The following DEAF1 variants were observed in gnomAD, a reference collection of about 807,000 sequenced individuals.
DEAF1 encodes deformed epidermal autoregulatory factor 1 homolog.
Under a neutral mutation model 58.9 loss-of-function variants are expected in DEAF1, and 53 were observed. The ratio of observed to expected loss-of-function variants is 0.90; its 90% confidence interval spans 0.72 to 1.13. DEAF1 has a LOEUF of 1.13. Among genes scored for constraint, DEAF1 ranks in the 50% most tolerant of loss-of-function variants. The pLI, the probability that DEAF1 is intolerant of heterozygous loss-of-function variation, is 0.00. For synonymous variants in DEAF1, 385 were observed against 340.4 expected (o/e 1.13, Z -1.44); for missense variants, 685 against 791.4 (o/e 0.87, Z 1.61).
intron 11 of DEAF1, chr11:651,109 C>T (rs528098384): frequency 1.5e-4 from 23 of 154,436 alleles, no homozygotes; most frequent in African/African-American, 2.7e-4. Context: ...ATTACAGGCA[C>T]GCGCCACCAC....
intron 9 of DEAF1, among the ~76,000 whole-genome samples, chr11:677,926 G>A (rs1860149047): frequency 1.3e-5 from 2 of 150,298 alleles, no homozygotes; most frequent in South Asian, 4.2e-4. Flanking sequence ...TCGCACCACT[G>A]CACTCCAGCC....
chr11:659,303 G>T (rs1859208366), intron 10 of DEAF1, among the ~76,000 whole-genome samples: 1 of 152,164 alleles, frequency 6.6e-6, no homozygotes, highest in Admixed American at 6.5e-5. Context: ...TGAGGTGGGA[G>T]GATTGCTTGA....
At chr11:681,871 C>T (rs900065656) in intron 6 of DEAF1, among the ~76,000 whole-genome samples, 7 of 152,144 alleles carry the variant, frequency 4.6e-5, no homozygotes, top group Non-Finnish European at 1.0e-4. Flanking sequence ...CCCCAACATC[C>T]GGACCTCTCC....
upstream of DEAF1, among the ~76,000 whole-genome samples, chr11:696,791 C>A (rs1368302145): frequency 2.7e-5 from 4 of 148,924 alleles, no homozygotes; most frequent in Non-Finnish European, 4.5e-5. Context: ...AAAATTACCC[C>A]GGGGAAGGCC....
intron 10 of DEAF1, among the ~76,000 whole-genome samples, chr11:672,858 A>AT (rs1481498279): frequency 4.0e-5 from 6 of 151,896 alleles, no homozygotes; most frequent in Non-Finnish European, 7.4e-5. Flanking sequence ...AAAAAAAAAA[A>AT]TTTTTTTTAA....
At chr11:699,533 C>T (rs1422560201), upstream of DEAF1, 1 of 152,954 alleles carries the variant, frequency 6.5e-6, no homozygotes, top group Non-Finnish European at 1.5e-5. Context: ...GATCACTTGA[C>T]ACCAGGAGTT....
upstream of DEAF1, chr11:695,681 G>C: frequency 8.0e-7 from 1 of 1,244,380 alleles, no homozygotes. Context: ...GACTAATCGG[G>C]CCTCGGCCGT....
In DEAF1 at chr11:688,331, C is replaced by T; in HGVS notation, c.517G>A (p.Gly173Ser). The change falls in exon 3 of 12, where the codon GGT becomes AGT. Residue 173 changes from glycine to serine, a missense_variant and splice_region_variant. Physicochemically the swap from Gly to Ser is moderately conservative, Grantham distance 56. Transcript: ENST00000382409. This position sits in a 1 kb window ranked among gnomAD's most constrained non-coding sequence, Gnocchi z 4.3. The stretch of plus-strand genomic sequence containing the variant: ...GCCTGGGGTGCAGGCACCGCTGTAC[C>T]TGGGGTGAGGGGAGCTGCCGGGCCT... Reference protein sequence around the residue: ...LKGPAAPLTPGPQSPPTPLAP... With the variant: ...LKGPAAPLTPSPQSPPTPLAP... The T allele has an allele frequency of 6.2e-7, 1 of 1,613,582 alleles. No individual in the cohort carries two copies. Among genetic ancestry groups the T allele is most frequent in the Non-Finnish European group, 8.5e-7 (1 of 1,179,968 alleles).
Position 644,746 on chromosome 11 carries a change from C to G in DEAF1, c.1594-92G>C. 8 of 988,890 alleles carry G rather than the reference C, an allele frequency of 8.1e-6. No homozygotes were observed. The highest frequency in any genetic ancestry group is 1.2e-5 in the Non-Finnish European group (8 of 646,506). 61.3% of individuals were successfully genotyped at this position (988,890 alleles called of 1,614,324 possible). ...AAGGCAGACCCCAGAGGGTGCAGCC[C>G]TCTGTAACCTCACCTGGAGGTGCTG... On this transcript the variant is annotated intron_variant, in intron 11 of 11. Transcript: ENST00000382409. The surrounding 1 kb of genome is among the most constrained non-coding windows in gnomAD (Gnocchi z 4.3).
intron 10 of DEAF1, among the ~76,000 whole-genome samples, chr11:656,845 G>A (rs4963126): frequency 0.38 from 57,837 of 152,076 alleles, 12,312 homozygotes; most frequent in East Asian, 0.54. Flanking sequence ...TGGGCCTTTC[G>A]CGGTATGCCC....
At chr11:673,128 G>A (rs1859901584) in intron 10 of DEAF1, among the ~76,000 whole-genome samples, 2 of 152,092 alleles carry the variant, frequency 1.3e-5, no homozygotes, top group South Asian at 4.1e-4. Context: ...CAGCCTGGGT[G>A]ATGGAGCGAG....
At chr11:678,074 C>T (rs963225094) in intron 9 of DEAF1, among the ~76,000 whole-genome samples, 51 of 151,288 alleles carry the variant, frequency 3.4e-4, no homozygotes, top group African/African-American at 1.1e-3. Flanking sequence ...CACTTGAGGT[C>T]AGGAGTTCGA....
intron 9 of DEAF1, 90 bp from the exon 10 acceptor site, chr11:674,873 G>A (rs551194869): frequency 1.5e-5 from 23 of 1,560,064 alleles, no homozygotes; most frequent in East Asian, 4.5e-5. Context: ...AGCCGGGCGC[G>A]GTGGCTCACG....
At chr11:674,430 A>AG (rs781662002) in intron 10 of DEAF1, 106 bp downstream of exon 10, 16 of 1,479,110 alleles carry the variant, frequency 1.1e-5, no homozygotes, top group Non-Finnish European at 1.5e-5. Flanking sequence ...AAGGTGGGGC[A>AG]GGGGCCTTGT....
chr11:655,356 A>C (rs1250737259), intron 10 of DEAF1, among the ~76,000 whole-genome samples: 3 of 152,078 alleles, frequency 2.0e-5, no homozygotes, highest in Non-Finnish European at 4.4e-5. Context: ...ACATTATTGG[A>C]GCTTTTCTTT....
rs148104686 is a variant in DEAF1, at chr11:667,312, C to T, written c.1503+7224G>A. ...TTAGCCTCGGTGACAGACAGTGACC[C>T]TGTCTCAAAAAAGAAAGAAAAAAGA... On this transcript the variant is annotated intron_variant, in intron 10 of 11. Transcript: ENST00000382409. Among the ~76,000 whole-genome samples the T allele has an allele frequency of 3.1e-3, 423 of 134,898 alleles. 3 individuals carry two copies. Among genetic ancestry groups the T allele is most frequent in the African/African-American group, 0.012 (401 of 33,614 alleles). 88.5% of individuals were successfully genotyped at this position (134,898 alleles called of 152,430 possible).
In DEAF1 at chr11:695,019, T is replaced by C; in HGVS notation, c.29A>G (p.Gln10Arg). MEDSDSAAK[Q>R]LGLAEAAAVA... Reference sequence around the variant, plus strand: ...CGCCGCCGCCTCAGCCAGGCCCAGCTGCTTTGCCGCCGAGTCCGAGTCCTC... The same window carrying C: ...CGCCGCCGCCTCAGCCAGGCCCAGCCGCTTTGCCGCCGAGTCCGAGTCCTC... Residue 10 changes from glutamine to arginine, a missense_variant, in exon 1 of 12, where the codon CAG becomes CGG. This residue lies in a region of DEAF1 where 210 missense variants were observed against 177.3 expected (regional missense o/e 1.18). Transcript: ENST00000382409. 1 of 1,381,076 alleles carries C rather than the reference T, an allele frequency of 7.2e-7. No homozygotes were observed. The highest frequency in any genetic ancestry group is 9.4e-7 in the Non-Finnish European group (1 of 1,061,934). 85.6% of individuals were successfully genotyped at this position (1,381,076 alleles called of 1,614,324 possible). A position where few individuals can be genotyped will look rare whatever the true frequency, so the allele number is the denominator to read the frequency against.
Position 644,340 on chromosome 11 carries a change from T to C in DEAF1, c.*210A>G. Reference sequence around the variant, plus strand: ...CATGATCCCAGGGATAAAAAATCTGTCCGCGAGCGGGCAGGGGGCCCGGGC... The same window carrying C: ...CATGATCCCAGGGATAAAAAATCTGCCCGCGAGCGGGCAGGGGGCCCGGGC... On this transcript the variant is annotated 3_prime_UTR_variant, in exon 12 of 12. Coordinates refer to ENST00000382409, the MANE Select transcript of DEAF1 (RefSeq NM_021008.4). This position sits in a 1 kb window ranked among gnomAD's most constrained non-coding sequence, Gnocchi z 4.3. 1 of 621,390 alleles carries C rather than the reference T, an allele frequency of 1.6e-6. No homozygotes were observed. Among genetic ancestry groups the C allele is most frequent in the South Asian group, 1.8e-5 (1 of 54,174 alleles). The allele number at this position is 621,390 out of a possible 1,614,324, so 38.5% of individuals were successfully genotyped here. A position where few individuals can be genotyped will look rare whatever the true frequency, so the allele number is the denominator to read the frequency against.
At position 656,158 on chromosome 11, in the gene DEAF1, C is replaced by CTCTTTT. The variant is rs372871736; in HGVS notation, c.1504-2108_1504-2107insAAAAGA. Among the ~76,000 whole-genome samples, 55 of 124,314 alleles carry CTCTTTT rather than the reference C, an allele frequency of 4.4e-4. 3 individuals carry two copies. The highest frequency in any genetic ancestry group is 1.3e-3 in the African/African-American group (46 of 36,246). The allele number at this position is 124,314 out of a possible 152,430, so 81.6% of individuals were successfully genotyped here. On this transcript the variant is annotated intron_variant, in intron 10 of 11. Coordinates refer to ENST00000382409, the MANE Select transcript of DEAF1 (RefSeq NM_021008.4). Reference sequence around the variant, plus strand: ...CTGTGCCTCTACTTTAAATGACAAACTTTTTTTTTTTTTTTGAGATGGAGT... The same window carrying CTCTTTT: ...CTGTGCCTCTACTTTAAATGACAAACTCTTTTTTTTTTTTTTTTTTTGAGATGGAGT...
Sources: gnomAD v4.1 joint callset for allele counts (sites outside exome capture counted in the v4.1 genomes callset) on GRCh38, gnomAD v4.1.1 for gene constraint, gnomAD v4.1.1 regional missense constraint, Gnocchi (gnomAD v3.1) non-coding constraint, MANE v1.5 for transcripts, NCBI Gene and HGNC (gene_info 2026-07-23, HGNC 2026-07-21) for gene names.